Variants in GRIPAP1 observed in about 807,000 individuals in gnomAD.
GRIPAP1 encodes GRIP1 associated protein 1.
In GRIPAP1, 14 loss-of-function variants were observed where a neutral mutation model predicts 84.1. The ratio of observed to expected loss-of-function variants is 0.17; its 90% CI spans 0.11 to 0.26. GRIPAP1 has a LOEUF of 0.26. Ranked by LOEUF, GRIPAP1 falls within the 10% of genes least tolerant of loss-of-function variation. The pLI is 1.00. For synonymous variants in GRIPAP1, 261 were observed against 256.8 expected, an observed-to-expected ratio of 1.02 and a Z score of -0.15; for missense variants, 518 against 674.2, an observed-to-expected ratio of 0.77 and a Z score of 2.57.
chrX:48,983,484 G>T, intron 15 of GRIPAP1, 44 bp from the exon 16 acceptor site: 1 of 1,071,701 alleles, frequency 9.3e-7, no homozygotes. Flanking sequence ...CCACAACATC[G>T]AAAAAAGGCC....
rs1396996676 is a variant in GRIPAP1 at position 48,981,866 on chromosome X, G to A, written c.1606C>T (p.Leu536=). Residue 536 remains leucine (L), a synonymous_variant, in exon 18 of 26, where the codon CTG becomes TTG. Transcript: ENST00000376423. ...TCTTGTTCCTGCTGCTGCTGCTGCA[G>A]GGATTCCTACAAGACAAGTCCCAGG... ...ERRLKEAEES[L]QQQQQEQEEA... 8.7e-7 allele frequency: 1 copy of A among 1,155,415 alleles called. No individual in the cohort carries two copies. Among genetic ancestry groups the A allele is most frequent in the African/African-American group, 1.8e-5 (1 of 55,590 alleles).
rs1443314410 is a variant in GRIPAP1, at chrX:48,973,962, G to A, written c.*231C>T. On this transcript the variant is annotated 3_prime_UTR_variant, in exon 26 of 26. Coordinates refer to ENST00000376423, the MANE Select transcript of GRIPAP1 (RefSeq NM_020137.5). The stretch of plus-strand genomic sequence containing the variant: ...TGAAGACAGAAGCCCTTGGGAGCCA[G>A]GACCAAGAAGAAGGAGAAATCCCTG... 1.9e-5 allele frequency: 6 copies of A among 311,398 alleles called. No homozygotes were observed. Among genetic ancestry groups the A allele is most frequent in the Non-Finnish European group, 2.8e-5 (5 of 177,281 alleles). The allele number at this position is 311,398 out of a possible 1,213,427, so 25.7% of individuals were successfully genotyped here. A position where few individuals can be genotyped will look rare whatever the true frequency, so the allele number is the denominator to read the frequency against.
At chrX:48,978,730 C>T (rs2064436816) in intron 21 of GRIPAP1, among the ~76,000 whole-genome samples, 1 of 109,501 alleles carries the variant, frequency 9.1e-6, no homozygotes, top group African/African-American at 3.3e-5. Context: ...CCCGTCTCTA[C>T]TAAAAATACA....
Position 48,999,492 on chromosome X carries a change from C to T in GRIPAP1, c.55G>A (p.Glu19Lys). 8.3e-7 allele frequency: 1 copy of T among 1,203,726 alleles called. No homozygotes were observed. The highest frequency in any genetic ancestry group is 1.1e-6 in the Non-Finnish European group (1 of 888,479). ...EFQRMQAQLL[E>K]LRTNNYQLSD... ...AGCTGGTAGTTGTTTGTCCGGAGTT[C>T]CAGGAGCTGAGCCTTTGGGGGAGGC... Residue 19 changes from glutamate to lysine, a missense_variant, in exon 2 of 26, where the codon GAA (glutamate) becomes AAA (lysine). Glu to Lys is a moderately conservative substitution (Grantham distance 56, BLOSUM62 1). Coordinates refer to ENST00000376423, the MANE Select transcript of GRIPAP1 (RefSeq NM_020137.5).
intron 21 of GRIPAP1, among the ~76,000 whole-genome samples, chrX:48,978,850 G>A (rs1185927249): frequency 9.5e-6 from 1 of 105,061 alleles, no homozygotes; most frequent in African/African-American, 3.7e-5. Context: ...AGCCGAAATC[G>A]CACCATTGCA....
chrX:48,986,457 T>C (rs2064488354), intron 13 of GRIPAP1, among the ~76,000 whole-genome samples: 1 of 110,169 alleles, frequency 9.1e-6, no homozygotes, highest in African/African-American at 3.3e-5. Flanking sequence ...AGTGGCACAA[T>C]CTCGGCTCAC....
chrX:48,998,656 G>C (rs1450829605), intron 3 of GRIPAP1, among the ~76,000 whole-genome samples: 1 of 112,483 alleles, frequency 8.9e-6, no homozygotes, highest in Non-Finnish European at 1.9e-5. Context: ...AAAGAGAAGT[G>C]CAGCTTCCTG....
intron 21 of GRIPAP1, among the ~76,000 whole-genome samples, chrX:48,979,036 C>CTTGGA (rs1279109656): frequency 7.4e-4 from 82 of 110,676 alleles, no homozygotes; most frequent in African/African-American, 2.6e-3. Flanking sequence ...GGCAGACACA[C>CTTGGA]TTGGACACAG....
chrX:48,990,545 G>A (rs1404162695), intron 8 of GRIPAP1, 140 bp downstream of exon 8: 3 of 490,649 alleles, frequency 6.1e-6, no homozygotes, highest in Non-Finnish European at 1.1e-5. Context: ...TGAGACATAG[G>A]TGTGAGTCTC....
chrX:48,999,694 G>C (rs1407387779), intron 1 of GRIPAP1, among the ~76,000 whole-genome samples, 190 bp from the exon 2 acceptor site: 1 of 110,585 alleles, frequency 9.0e-6, no homozygotes, highest in Non-Finnish European at 1.9e-5. Context: ...ACCTTTTCCA[G>C]CTCCACTTAT....
chrX:48,983,370 T>C lies in GRIPAP1; in HGVS notation c.1343A>G (p.Lys448Arg). ...METLQEKSQH[K>R]EELGAVRLRH... ...TAGACGAACTGCTCCCAGCTCTTCC[T>C]TGTGCTGGGACTTCTCTTGCAGCGT... The change falls in exon 16 of 26, where the codon AAG becomes AGG. Residue 448 changes from lysine to arginine, a missense_variant. By Grantham distance (26) the Lys-to-Arg change is conservative. Coordinates refer to ENST00000376423, the MANE Select transcript of GRIPAP1 (RefSeq NM_020137.5). The C allele has an allele frequency of 8.3e-7, 1 of 1,209,364 alleles. No individual in the cohort carries two copies. Among genetic ancestry groups the C allele is most frequent in the African/African-American group, 1.7e-5 (1 of 57,529 alleles).
At chrX:48,984,914 C>T (rs1490538169) in intron 14 of GRIPAP1, among the ~76,000 whole-genome samples, 2 of 108,276 alleles carry the variant, frequency 1.8e-5, no homozygotes, top group Non-Finnish European at 3.8e-5. Context: ...CCCAGCTACT[C>T]GGGAGGCTGA....
intron 14 of GRIPAP1, 57 bp from the exon 15 acceptor site, chrX:48,983,927 C>T: frequency 2.9e-6 from 2 of 682,115 alleles, no homozygotes; most frequent in Non-Finnish European, 4.8e-6. Flanking sequence ...AGGTGCTAGT[C>T]ACCCAGGACC....
intron 14 of GRIPAP1, among the ~76,000 whole-genome samples, 183 bp downstream of exon 14, chrX:48,985,085 A>T (rs2064480061): frequency 9.0e-6 from 1 of 111,701 alleles, no homozygotes; most frequent in African/African-American, 3.3e-5. Flanking sequence ...TAACTAACTG[A>T]AGAGGCTCAG....
chrX:48,988,010 C>CACACACACA, intron 12 of GRIPAP1, 111 bp downstream of exon 12: 1 of 630,916 alleles, frequency 1.6e-6, no homozygotes, highest in Non-Finnish European at 2.5e-6. Context: ...CACACACACA[C>CACACACACA]GAAGGCCTGG....
chrX:48,986,054 A>G (rs1180643400), intron 13 of GRIPAP1, among the ~76,000 whole-genome samples: 2 of 109,324 alleles, frequency 1.8e-5, no homozygotes, highest in African/African-American at 6.7e-5. Context: ...CAGCCTGGCC[A>G]AGATGGTGAA....
At chrX:48,976,745 A>T (rs2064424650) in intron 22 of GRIPAP1, among the ~76,000 whole-genome samples, 1 of 111,115 alleles carries the variant, frequency 9.0e-6, no homozygotes, top group Admixed American at 9.6e-5. Context: ...AATTGGTCTC[A>T]GGAAAAAAGG....
chrX:48,984,953 C>T (rs1370180317), intron 14 of GRIPAP1, among the ~76,000 whole-genome samples: 2 of 109,673 alleles, frequency 1.8e-5, no homozygotes, highest in Non-Finnish European at 3.8e-5. Flanking sequence ...ACACGGGAGG[C>T]GGAGCTTGCA....
chrX:48,982,263 T>C (rs1255210008), intron 17 of GRIPAP1, among the ~76,000 whole-genome samples: 2 of 111,967 alleles, frequency 1.8e-5, no homozygotes, highest in African/African-American at 6.5e-5. Flanking sequence ...GTCACACAGC[T>C]AGGAAATGGC....
Sources: gnomAD v4.1 joint callset for allele counts (sites outside exome capture counted in the v4.1 genomes callset) on GRCh38, gnomAD v4.1.1 for gene constraint, MANE v1.5 for transcripts, NCBI Gene and HGNC (gene_info 2026-07-23, HGNC 2026-07-21) for gene names.